Variants in GGT1 observed in about 807,000 individuals in gnomAD.
GGT1 encodes the protein gamma-glutamyltransferase 1, also known as glutathione hydrolase 1 proenzyme.
GGT1 carries 21 observed loss-of-function variants against 56.0 expected under a neutral mutation model. The observed-to-expected ratio is 0.38, with a 90% CI of 0.27 to 0.54. The LOEUF is 0.54. GGT1 is among the 20% of genes least tolerant of loss of function. The pLI, the probability that GGT1 is intolerant of heterozygous loss-of-function variation, is 0.82. For missense variants in GGT1, 466 were observed against 787.0 expected (o/e 0.59, Z 4.88); for synonymous variants, 238 against 342.6 (o/e 0.69, Z 3.37).
chr22:24,592,839 G>T, upstream of GGT1: 2 of 1,276,694 alleles, frequency 1.6e-6, no homozygotes, highest in Non-Finnish European at 2.0e-6. Context: ...CGCCAGCCCA[G>T]GGGCGGACGG....
rs1204891045 is a variant in GGT1 at position 24,614,698 on chromosome 22, C to A, written c.165-78C>A. ...GACTTCTCTTCCATCCTCCTTTGGG[C>A]AGGTGGGCAGCAGGGTGTGTATGCG... On this transcript the variant is annotated intron_variant, in intron 5 of 15. Coordinates refer to ENST00000400382, the MANE Select transcript of GGT1 (RefSeq NM_001288833.2). 4 of 1,253,378 alleles carry A rather than the reference C, an allele frequency of 3.2e-6. No homozygotes were observed. The African/African-American group carries it at 6.1e-5, about 19-fold the overall frequency. 77.6% of individuals were successfully genotyped at this position (1,253,378 alleles called of 1,614,324 possible).
the GGT1 span, among the ~76,000 whole-genome samples, chr22:24,587,437 C>G: frequency 6.6e-6 from 1 of 152,164 alleles, no homozygotes; most frequent in African/African-American, 2.4e-5. Context: ...GTGAGCACAC[C>G]CTCAGGACCC....
intron 1 of GGT1, among the ~76,000 whole-genome samples, chr22:24,595,849 C>G (rs1041431457): frequency 6.6e-6 from 1 of 152,240 alleles, no homozygotes; most frequent in East Asian, 1.9e-4. Context: ...GGGCCCTTCT[C>G]TACCCACCCA....
chr22:24,601,372 C>T (rs941173352), upstream of GGT1, among the ~76,000 whole-genome samples: 13 of 151,982 alleles, frequency 8.6e-5, no homozygotes, highest in African/African-American at 3.1e-4. Context: ...GCTTCTTGGA[C>T]CTGTCAGTGG....
chr22:24,624,515 C>G, intron 11 of GGT1: 1 of 937,154 alleles, frequency 1.1e-6, no homozygotes, highest in South Asian at 4.9e-5. Flanking sequence ...GGGGCGTCAG[C>G]TGCCCAGGTG....
intron 5 of GGT1, among the ~76,000 whole-genome samples, chr22:24,613,691 A>C (rs966958187): frequency 1.3e-5 from 2 of 151,628 alleles, no homozygotes; most frequent in Non-Finnish European, 2.9e-5. Context: ...CAGAGGTTGC[A>C]GTGAGCTAAG....
chr22:24,588,351 A>G, the GGT1 span: 2 of 1,583,390 alleles, frequency 1.3e-6, no homozygotes, highest in Non-Finnish European at 8.7e-7. Context: ...CAGTGTCACC[A>G]TGGTGAATCT....
chr22:24,616,391 G>T (rs575936265), intron 7 of GGT1, among the ~76,000 whole-genome samples: 1 of 150,374 alleles, frequency 6.7e-6, no homozygotes, highest in Non-Finnish European at 1.5e-5. Flanking sequence ...TCCAGTCTGG[G>T]CAACAAGAAT....
intron 1 of GGT1, among the ~76,000 whole-genome samples, chr22:24,605,978 C>T (rs62231211): frequency 0.076 from 2,969 of 38,878 alleles, 739 homozygotes; most frequent in African/African-American, 0.28. Context: ...TATAATATAT[C>T]ATATATTATA....
In GGT1 at chr22:24,618,065, G is replaced by T. The variant is rs373713971; in HGVS notation, c.383-2263G>T. ...TCTGATTGGCCTGAGGTCAGGAGAA[G>T]ATTTTTTTTCTGATATTGATACATG... On this transcript the variant is annotated intron_variant, in intron 7 of 15. Coordinates refer to ENST00000400382, the MANE Select transcript of GGT1 (RefSeq NM_001288833.2). Among the ~76,000 whole-genome samples the T allele has an allele frequency of 1.9e-4, 29 of 152,168 alleles. No homozygotes were observed. In the East Asian group the frequency reaches 3.9e-3, roughly 20 times the overall value.
At chr22:24,593,764 G>A (rs186752893), upstream of GGT1, among the ~76,000 whole-genome samples, 1 of 151,520 alleles carries the variant, frequency 6.6e-6, no homozygotes, top group East Asian at 1.9e-4. Context: ...TCTACCCTGG[G>A]TGACAGAGCA....
upstream of GGT1, among the ~76,000 whole-genome samples, chr22:24,593,888 T>A (rs564100392): frequency 5.9e-5 from 9 of 152,328 alleles, no homozygotes; most frequent in East Asian, 1.2e-3. Flanking sequence ...AAATATTTAC[T>A]GCCTCCTGCT....
the GGT1 span, chr22:24,585,636 C>T: frequency 1.8e-5 from 10 of 547,164 alleles, no homozygotes; most frequent in East Asian, 3.0e-5. Context: ...AAAGCAGAGG[C>T]GGGTGTCACT....
upstream of GGT1, chr22:24,594,742 C>A (rs993520701): frequency 6.6e-6 from 1 of 152,324 alleles, no homozygotes; most frequent in African/African-American, 2.4e-5. Context: ...CCCTGGCAAA[C>A]CTGCATGACG....
At chr22:24,589,759 G>C in the GGT1 span, 1 of 1,505,234 alleles carries the variant, frequency 6.6e-7, no homozygotes, top group African/African-American at 1.7e-5. Flanking sequence ...CCAGCCCTGG[G>C]CTCTGTTGGC....
the GGT1 span, chr22:24,588,112 G>T: frequency 1.1e-6 from 1 of 907,366 alleles, no homozygotes; most frequent in Non-Finnish European, 1.8e-6. Flanking sequence ...GGCCTCACCA[G>T]GTGGGATTTC....
intron 1 of GGT1, among the ~76,000 whole-genome samples, chr22:24,605,498 A>AATATTATATAATGTGTATTATATATTAT (rs1409280840): frequency 2.9e-5 from 2 of 67,836 alleles, no homozygotes; most frequent in Non-Finnish European, 4.4e-5. Context: ...TATATTATAT[A>AATATTATATAATGTGTATTATATATTAT]ATATTATATA....
At chr22:24,617,411 G>A (rs2047140036) in intron 7 of GGT1, among the ~76,000 whole-genome samples, 1 of 152,164 alleles carries the variant, frequency 6.6e-6, no homozygotes, top group South Asian at 2.1e-4. Context: ...GATGGATCTG[G>A]CCTATGGACC....
upstream of GGT1, among the ~76,000 whole-genome samples, chr22:24,602,293 C>G (rs942879213): frequency 3.9e-5 from 6 of 152,306 alleles, no homozygotes; most frequent in South Asian, 2.1e-4. Context: ...TGCCCCTTCC[C>G]TAGGGCTCTT....
Sources: allele counts gnomAD v4.1 joint callset (sites outside exome capture counted in the v4.1 genomes callset), GRCh38; gene constraint gnomAD v4.1.1; transcripts MANE v1.5; gene names NCBI Gene and HGNC (gene_info 2026-07-23, HGNC 2026-07-21).